Variants in CPAMD8 observed in about 807,000 individuals in gnomAD.
The protein encoded by CPAMD8 is C3 and PZP like alpha-2-macroglobulin domain containing 8.
A neutral mutation model predicts 224.7 loss-of-function variants in CPAMD8; 146 were observed. That is an observed-to-expected ratio of 0.65 (90% confidence interval 0.57 to 0.75). The LOEUF (loss-of-function observed/expected upper bound fraction) is 0.75. Among genes scored for constraint, CPAMD8 ranks in the 30% least tolerant of loss-of-function variants. The pLI, the probability that CPAMD8 is intolerant of heterozygous loss-of-function variation, is 0.00. For synonymous variants in CPAMD8, 966 were observed against 1,044.6 expected (o/e 0.92, Z 1.45); for missense variants, 2,301 against 2,537.5 (o/e 0.91, Z 2.00).
intron 41 of CPAMD8, chr19:16,894,656 G>T: frequency 2.8e-6 from 1 of 351,604 alleles, no homozygotes; most frequent in Non-Finnish European, 5.7e-6. Context: ...ATGGGCTCTG[G>T]GTGTCCATGT....
intron 7 of CPAMD8, 44 bp from the exon 8 acceptor site, chr19:17,004,430 ACACGG>A: frequency 7.7e-7 from 1 of 1,303,506 alleles, no homozygotes; most frequent in South Asian, 1.2e-5. Context: ...AGAGCCACAG[ACACGG>A]TGAGGTACGG....
At chr19:16,986,125 G>A (rs1035226854) in intron 13 of CPAMD8, among the ~76,000 whole-genome samples, 1 of 152,016 alleles carries the variant, frequency 6.6e-6, no homozygotes, top group Non-Finnish European at 1.5e-5. Context: ...AGCAAAACAG[G>A]TTCAGAAGGA....
intron 22 of CPAMD8, 97 bp from the exon 23 acceptor site, chr19:16,938,543 T>G: frequency 3.0e-6 from 2 of 668,854 alleles, no homozygotes; most frequent in Non-Finnish European, 5.3e-6. Context: ...TGACTTCAAG[T>G]CCAGACCACA....
At chr19:16,924,406 T>C (rs2053285013) in intron 26 of CPAMD8, among the ~76,000 whole-genome samples, 1 of 152,110 alleles carries the variant, frequency 6.6e-6, no homozygotes, top group South Asian at 2.1e-4. Context: ...TTTAAGGACC[T>C]GAGCCTGGAT....
intron 9 of CPAMD8, among the ~76,000 whole-genome samples, chr19:17,001,299 C>G (rs12979168): frequency 0.26 from 33,828 of 127,988 alleles, 4,647 homozygotes; most frequent in African/African-American, 0.4. Context: ...CCAGCCTGGG[C>G]GACAGAGTAA....
intron 14 of CPAMD8, among the ~76,000 whole-genome samples, chr19:16,978,905 C>T (rs896067694): frequency 2.0e-5 from 3 of 151,752 alleles, no homozygotes; most frequent in Non-Finnish European, 4.4e-5. Flanking sequence ...ACCCATCCCT[C>T]TATTCATCAT....
chr19:16,954,995 G>A (rs1382963919), intron 19 of CPAMD8, among the ~76,000 whole-genome samples: 1 of 152,226 alleles, frequency 6.6e-6, no homozygotes, highest in Non-Finnish European at 1.5e-5. Context: ...GGGCATGGTG[G>A]TGGGCGGCTG....
chr19:17,002,176 A>G, intron 9 of CPAMD8, 90 bp downstream of exon 9: 2 of 834,596 alleles, frequency 2.4e-6, no homozygotes, highest in East Asian at 2.7e-5. Context: ...GGGAGGCAGC[A>G]GAGGAGGGGA....
At position 16,950,297 on chromosome 19, in the gene CPAMD8, C is replaced by CAAAT. The variant is rs369163512; in HGVS notation, c.2508+1668_2508+1671dup. ...TGGGTGACAGAGCGAGATCCTATCT[C>CAAAT]AAATAAATAAATAAATAAATAAATA... On this transcript the variant is annotated intron_variant, in intron 20 of 41. Coordinates refer to ENST00000443236, the MANE Select transcript of CPAMD8 (RefSeq NM_015692.5). 1.9e-3 allele frequency among the ~76,000 whole-genome samples: 283 copies of CAAAT among 151,756 alleles called. 1 individual carries two copies. The highest frequency in any genetic ancestry group is 2.6e-3 in the African/African-American group (106 of 41,356).
intron 27 of CPAMD8, among the ~76,000 whole-genome samples, chr19:16,920,855 C>CAAAAAA (rs200039066): frequency 5.0e-5 from 6 of 119,088 alleles, no homozygotes; most frequent in African/African-American, 2.4e-4. Context: ...GACTCTATCT[C>CAAAAAA]AAAAAAAAAA....
At chr19:16,995,668 TG>T (rs1244087865) in intron 11 of CPAMD8, among the ~76,000 whole-genome samples, 2 of 152,304 alleles carry the variant, frequency 1.3e-5, no homozygotes, top group African/African-American at 4.8e-5. Flanking sequence ...CCCAAAGTGC[TG>T]GGATTATAGT....
At chr19:17,006,198 G>C (rs2056487655) in intron 7 of CPAMD8, among the ~76,000 whole-genome samples, 1 of 152,126 alleles carries the variant, frequency 6.6e-6, no homozygotes, top group African/African-American at 2.4e-5. Flanking sequence ...CTGACCTCAG[G>C]TGATCTGCCC....
At chr19:16,957,522 G>C (rs1305828911) in intron 19 of CPAMD8, 14 of 243,892 alleles carry the variant, frequency 5.7e-5, no homozygotes, top group Non-Finnish European at 1.0e-4. Flanking sequence ...AGCAAGGAGT[G>C]GGGGTAGGTG....
intron 29 of CPAMD8, among the ~76,000 whole-genome samples, chr19:16,908,640 T>C (rs1174714866): frequency 1.3e-5 from 2 of 152,160 alleles, no homozygotes; most frequent in African/African-American, 4.8e-5. Flanking sequence ...GGTGGCCCAA[T>C]AGAGGTATGG....
At chr19:16,906,763 G>A (rs1254295404) in intron 30 of CPAMD8, among the ~76,000 whole-genome samples, 189 bp downstream of exon 30, 2 of 151,780 alleles carry the variant, frequency 1.3e-5, no homozygotes, top group African/African-American at 2.4e-5. Context: ...AGGCTGGAGT[G>A]CAATGGCGCG....
rs186849185 is a variant in CPAMD8 at position 16,958,036 on chromosome 19, G to T, written c.2214-121C>A. On this transcript the variant is annotated intron_variant, in intron 18 of 41. Coordinates refer to ENST00000443236, the MANE Select transcript of CPAMD8 (RefSeq NM_015692.5). ...GCGTTAATTTCTTTTACCTGGAAGG[G>T]TTAACATTGTACTTCACTGGGATAT... The T allele has an allele frequency of 1.9e-4, 159 of 852,434 alleles. 3 individuals carry two copies. The East Asian group carries it at 2.3e-3, about 12-fold the overall frequency. 52.8% of individuals were successfully genotyped at this position (852,434 alleles called of 1,614,324 possible).
intron 25 of CPAMD8, among the ~76,000 whole-genome samples, chr19:16,927,115 T>C (rs2053391239): frequency 6.6e-6 from 1 of 152,050 alleles, no homozygotes; most frequent in Non-Finnish European, 1.5e-5. Context: ...CCTGGGCTAC[T>C]AGAGGCATCC....
intron 9 of CPAMD8, among the ~76,000 whole-genome samples, chr19:17,001,782 G>C (rs896631460): frequency 5.9e-5 from 9 of 151,526 alleles, no homozygotes; most frequent in Non-Finnish European, 1.2e-4. Flanking sequence ...GTTGTTGGGG[G>C]AGATGGAAGG....
intron 20 of CPAMD8, among the ~76,000 whole-genome samples, chr19:16,947,830 C>T (rs1211110608): frequency 5.3e-5 from 8 of 151,954 alleles, no homozygotes; most frequent in East Asian, 1.9e-4. Flanking sequence ...GATATGCATT[C>T]GTGTGTGTGT....
Sources: allele counts gnomAD v4.1 joint callset (sites outside exome capture counted in the v4.1 genomes callset), GRCh38; gene constraint gnomAD v4.1.1; transcripts MANE v1.5; gene names NCBI Gene and HGNC (gene_info 2026-07-23, HGNC 2026-07-21).